Variants in APELA observed in about 807,000 individuals in gnomAD.
The protein encoded by APELA is protein Elabela.
chr4:164,889,769 G>GA (rs913666500), intron 2 of APELA, among the ~76,000 whole-genome samples: 2 of 151,348 alleles, frequency 1.3e-5, no homozygotes, highest in African/African-American at 2.4e-5. Context: ...AAATATTCAG[G>GA]AAAAAAAACA....
intron 2 of APELA, among the ~76,000 whole-genome samples, chr4:164,886,948 C>T (rs1730784929): frequency 2.0e-5 from 3 of 152,114 alleles, no homozygotes; most frequent in African/African-American, 7.2e-5. Flanking sequence ...GGCTCAGCCT[C>T]CCAAGTAGCT....
intron 2 of APELA, among the ~76,000 whole-genome samples, chr4:164,894,745 C>T (rs1730942708): frequency 6.6e-6 from 1 of 152,116 alleles, no homozygotes; most frequent in African/African-American, 2.4e-5. Context: ...CTATGTTTTC[C>T]AGGCTGTTTT....
At chr4:164,885,672 C>T (rs1327681427) in intron 2 of APELA, among the ~76,000 whole-genome samples, 1 of 151,580 alleles carries the variant, frequency 6.6e-6, no homozygotes, top group Non-Finnish European at 1.5e-5. Flanking sequence ...ACCCAGGAGG[C>T]GGAGGTTGCA....
chr4:164,887,043 G>T (rs1730787624), intron 2 of APELA, among the ~76,000 whole-genome samples: 1 of 151,992 alleles, frequency 6.6e-6, no homozygotes, highest in Admixed American at 6.6e-5. Flanking sequence ...GGCCAAGCGG[G>T]TCTCAAACTC....
intron 2 of APELA, among the ~76,000 whole-genome samples, chr4:164,885,954 T>G (rs993497232): frequency 8.5e-5 from 13 of 152,304 alleles, no homozygotes; most frequent in Non-Finnish European, 1.3e-4. Context: ...TCTCCCTCCT[T>G]GAGAATTCTC....
chr4:164,890,738 T>C (rs950378754), intron 2 of APELA, among the ~76,000 whole-genome samples: 3 of 152,242 alleles, frequency 2.0e-5, no homozygotes, highest in African/African-American at 7.2e-5. Flanking sequence ...ACATATGTTT[T>C]CAGTTCTCTG....
In APELA at chr4:164,897,221, G is replaced by A. The variant is rs1389964926; in HGVS notation, c.*1807G>A. 1 of 152,214 alleles carries A rather than the reference G, an allele frequency of 6.6e-6. No homozygotes were observed. Among genetic ancestry groups the A allele is most frequent in the Non-Finnish European group, 1.5e-5 (1 of 68,036 alleles). 9.4% of individuals were successfully genotyped at this position (152,214 alleles called of 1,614,324 possible). ...AAAATCTGACAACACTGTCGAGTTTGTCTTCCTGTCAAAGCTTATTAAAAG... is the reference window on the plus strand; with the variant it reads ...AAAATCTGACAACACTGTCGAGTTTATCTTCCTGTCAAAGCTTATTAAAAG... On this transcript the variant is annotated 3_prime_UTR_variant, in exon 3 of 3. Coordinates refer to ENST00000507152, the MANE Select transcript of APELA (RefSeq NM_001297550.2).
At position 164,896,230 on chromosome 4, in the gene APELA, G is replaced by T. The variant is rs1419713612; in HGVS notation, c.*816G>T. ...TGCCTCAACCTCCCAATTATAGGCTGGGATTACAGGTGTGCACCACTACAC... is the reference window on the plus strand; with the variant it reads ...TGCCTCAACCTCCCAATTATAGGCTTGGATTACAGGTGTGCACCACTACAC... On this transcript the variant is annotated 3_prime_UTR_variant, in exon 3 of 3. Transcript: ENST00000507152. The T allele has an allele frequency of 6.6e-6, 1 of 152,100 alleles. No individual in the cohort carries two copies. Among genetic ancestry groups the T allele is most frequent in the African/African-American group, 2.4e-5 (1 of 41,398 alleles). The allele number at this position is 152,100 out of a possible 1,614,324, so 9.4% of individuals were successfully genotyped here. A position where few individuals can be genotyped will look rare whatever the true frequency, so the allele number is the denominator to read the frequency against.
chr4:164,887,615 A>C (rs113381431), intron 2 of APELA, among the ~76,000 whole-genome samples: 4 of 144,270 alleles, frequency 2.8e-5, no homozygotes, highest in African/African-American at 1.1e-4. Context: ...TATCTTACTA[A>C]ATTTTTTTTT....
chr4:164,882,896 T>A (rs904913160), intron 2 of APELA, among the ~76,000 whole-genome samples: 1 of 152,168 alleles, frequency 6.6e-6, no homozygotes, highest in Admixed American at 6.5e-5. Context: ...TCCAGCTTCA[T>A]CCATGTCCCT....
At chr4:164,887,080 A>G (rs1292203377) in intron 2 of APELA, among the ~76,000 whole-genome samples, 1 of 152,126 alleles carries the variant, frequency 6.6e-6, no homozygotes, top group African/African-American at 2.4e-5. Flanking sequence ...TTCCCACCTC[A>G]GCCTCATAAA....
At chr4:164,879,342 G>A (rs1048929738) in intron 2 of APELA, 1 of 184,888 alleles carries the variant, frequency 5.4e-6, no homozygotes, top group Non-Finnish European at 1.1e-5. Context: ...GTGTATGAAA[G>A]CATTTGGATG....
chr4:164,884,165 G>GAAAGAAAGAAAGAAAGAA (rs1560858173), intron 2 of APELA, among the ~76,000 whole-genome samples: 6 of 123,088 alleles, frequency 4.9e-5, no homozygotes, highest in African/African-American at 2.0e-4. Context: ...GAAAGGAGAA[G>GAAAGAAAGAAAGAAAGAA]AGAAAGAAAG....
intron 2 of APELA, among the ~76,000 whole-genome samples, chr4:164,884,164 A>AAG (rs1730723445): frequency 7.0e-6 from 1 of 142,830 alleles, no homozygotes; most frequent in Non-Finnish European, 1.5e-5. Context: ...AGAAAGGAGA[A>AAG]GAGAAAGAAA....
intron 2 of APELA, among the ~76,000 whole-genome samples, chr4:164,891,350 T>C (rs6813837): frequency 0.078 from 11,839 of 152,126 alleles, 1,390 homozygotes; most frequent in African/African-American, 0.26. Context: ...AAAGAGCCAT[T>C]TGGTATTTGG....
chr4:164,884,388 G>A (rs769139421), intron 2 of APELA, among the ~76,000 whole-genome samples: 3 of 152,076 alleles, frequency 2.0e-5, no homozygotes. Context: ...TTCCTTCTGC[G>A]GAAGGTCCAT....
In APELA at chr4:164,883,484, C is replaced by CTTTTTTTT. The variant is rs758157733; in HGVS notation, c.*1+4480_*1+4481insTTTTTTTT. ...CTTTTATGTTCCCTTTCTAGTCTTT[C>CTTTTTTTT]TTTTTCTTTTTTTTTTTTTTTGAGA... On this transcript the variant is annotated intron_variant, in intron 2 of 2. Transcript: ENST00000507152. 3.9e-5 allele frequency among the ~76,000 whole-genome samples: 5 copies of CTTTTTTTT among 129,366 alleles called. 1 individual carries two copies. Among genetic ancestry groups the CTTTTTTTT allele is most frequent in the African/African-American group, 9.7e-5 (3 of 30,920 alleles). 84.9% of individuals were successfully genotyped at this position (129,366 alleles called of 152,430 possible). A position where few individuals can be genotyped will look rare whatever the true frequency, so the allele number is the denominator to read the frequency against.
chr4:164,886,621 G>A (rs1730775731), intron 2 of APELA, among the ~76,000 whole-genome samples: 2 of 152,058 alleles, frequency 1.3e-5, no homozygotes, highest in Non-Finnish European at 2.9e-5. Context: ...ACTCCAGCCT[G>A]AGAGACAGAG....
At chr4:164,888,933 A>C (rs1048258607) in intron 2 of APELA, among the ~76,000 whole-genome samples, 4 of 151,660 alleles carry the variant, frequency 2.6e-5, no homozygotes, top group Non-Finnish European at 4.4e-5. Context: ...CCTTTTTCCT[A>C]CTCAATGAAA....
Sources: allele counts gnomAD v4.1 joint callset (sites outside exome capture counted in the v4.1 genomes callset), GRCh38; gene constraint gnomAD v4.1.1; transcripts MANE v1.5; gene names NCBI Gene and HGNC (gene_info 2026-07-23, HGNC 2026-07-21).